Variants in GNPTAB observed in about 807,000 individuals in gnomAD.
The protein encoded by GNPTAB is N-acetylglucosamine-1-phosphotransferase subunits alpha/beta.
In GNPTAB, 92 loss-of-function variants were observed where a neutral mutation model predicts 136.6. That is an observed-to-expected ratio of 0.67 (90% CI 0.57 to 0.80). The LOEUF (loss-of-function observed/expected upper bound fraction) is 0.80, where lower values mean the gene tolerates loss of function less well. Ranked by LOEUF, GNPTAB falls within the 30% of genes least tolerant of loss-of-function variation. The probability of loss-of-function intolerance (pLI) is 0.00; values close to 1 mark genes in which losing one functional copy is unlikely to be tolerated. For synonymous variants in GNPTAB, 512 were observed against 535.1 expected (o/e 0.96, Z 0.60); for missense variants, 1,343 against 1,501.8 (o/e 0.89, Z 1.75).
At chr12:101,805,264 T>C (rs1594249694) in intron 1 of GNPTAB, among the ~76,000 whole-genome samples, 1 of 152,364 alleles carries the variant, frequency 6.6e-6, no homozygotes, top group East Asian at 1.9e-4. Flanking sequence ...TTAATGTATT[T>C]ACCTCCACTA....
chr12:101,766,191 GT>G lies in GNPTAB; in HGVS notation c.1511del (p.Tyr504SerfsTer43), dbSNP rs1479370932. 1.2e-6 allele frequency: 2 copies of G among 1,613,972 alleles called. No individual in the cohort carries two copies. The highest frequency in any genetic ancestry group is 2.7e-5 in the African/African-American group (2 of 75,026). On this transcript the variant is annotated frameshift_variant, in exon 12 of 21. Coordinates refer to ENST00000299314, the MANE Select transcript of GNPTAB (RefSeq NM_024312.5). LOFTEE classifies it high-confidence loss of function. Reference protein sequence around the residue: ...QFGGGINSVSYCNQGCANSWL... With the variant: ...QFGGGINSVSXCNQGCANSWL... ...AGGAATTCGCACATCCCTGATTACA[GT>G]AAGAGACACTGTTTATTCCTCCACC...
Position 101,812,978 on chromosome 12 carries a change from T to TTG in GNPTAB, c.118-16218_118-16217dup, listed in dbSNP as rs200420658. On this transcript the variant is annotated intron_variant, in intron 1 of 20. Coordinates refer to ENST00000299314, the MANE Select transcript of GNPTAB (RefSeq NM_024312.5). ...GCCACCATGCCCAGCTAAGTGTTTT[T>TTG]TGTGTGTGTTTTTTTTTTTTTTGGT... 2.0e-3 allele frequency among the ~76,000 whole-genome samples: 272 copies of TTG among 139,136 alleles called. 3 individuals carry two copies. The highest frequency in any genetic ancestry group is 6.0e-3 in the African/African-American group (213 of 35,774). The allele number at this position is 139,136 out of a possible 152,430, so 91.3% of individuals were successfully genotyped here.
intron 18 of GNPTAB, among the ~76,000 whole-genome samples, chr12:101,755,567 G>A (rs1406814892): frequency 6.6e-6 from 1 of 152,298 alleles, no homozygotes; most frequent in African/African-American, 2.4e-5. Context: ...TTAATGGTCT[G>A]TGGCCTGATG....
intron 10 of GNPTAB, among the ~76,000 whole-genome samples, chr12:101,768,538 T>C (rs1953127534): frequency 6.6e-6 from 1 of 152,234 alleles, no homozygotes; most frequent in Non-Finnish European, 1.5e-5. Context: ...GCACAGTCAC[T>C]GCTTTTCTGT....
rs537390944 is a variant in GNPTAB at position 101,814,300 on chromosome 12, G to GA, written c.117+16258dup. On this transcript the variant is annotated intron_variant, in intron 1 of 20. Coordinates refer to ENST00000299314, the MANE Select transcript of GNPTAB (RefSeq NM_024312.5). Reference sequence around the variant, plus strand: ...GGCAACGAGACTAAAACCCTGTCTTGAAAAAAAAAAATTATTGAGAACTCC... The same window carrying GA: ...GGCAACGAGACTAAAACCCTGTCTTGAAAAAAAAAAAATTATTGAGAACTCC... 4.1e-3 allele frequency among the ~76,000 whole-genome samples: 576 copies of GA among 141,038 alleles called. 3 individuals carry two copies. The highest frequency in any genetic ancestry group is 5.0e-3 in the South Asian group (22 of 4,398). The allele number at this position is 141,038 out of a possible 152,430, so 92.5% of individuals were successfully genotyped here.
At chr12:101,764,153 T>A (rs745666681) in intron 13 of GNPTAB, 49 bp downstream of exon 13, 2 of 1,612,436 alleles carry the variant, frequency 1.2e-6, no homozygotes, top group Non-Finnish European at 8.5e-7. Context: ...ATCATGAGAT[T>A]ATTTACTCTT....
chr12:101,792,698 C>T (rs2137153923), intron 2 of GNPTAB, among the ~76,000 whole-genome samples: 1 of 152,266 alleles, frequency 6.6e-6, no homozygotes, highest in African/African-American at 2.4e-5. Flanking sequence ...TTCCACACTA[C>T]TTTGAACTGT....
intron 1 of GNPTAB, among the ~76,000 whole-genome samples, chr12:101,806,175 A>G (rs987763880): frequency 6.6e-6 from 1 of 152,212 alleles, no homozygotes; most frequent in Non-Finnish European, 1.5e-5. Flanking sequence ...AAAACATTAT[A>G]TAAAAAAAGC....
intron 19 of GNPTAB, 41 bp downstream of exon 19, chr12:101,753,331 A>G (rs1197744642): frequency 3.9e-5 from 55 of 1,419,560 alleles, no homozygotes; most frequent in Non-Finnish European, 5.4e-5. Context: ...GCATGTATAC[A>G]CTCACCCACA....
In GNPTAB at chr12:101,760,177, G is replaced by A. The variant is rs757130342; in HGVS notation, c.3136-34C>T. 27 of 1,247,728 alleles carry A rather than the reference G, an allele frequency of 2.2e-5. 1 individual carries two copies. Among genetic ancestry groups the A allele is most frequent in the East Asian group, 1.2e-4 (5 of 43,158 alleles). The allele number at this position is 1,247,728 out of a possible 1,614,324, so 77.3% of individuals were successfully genotyped here. On this transcript the variant is annotated intron_variant, in intron 15 of 20. Coordinates refer to ENST00000299314, the MANE Select transcript of GNPTAB (RefSeq NM_024312.5). ...GAAAAAGATGATAAATCTGTTATGC[G>A]CATTGTAAGTAATGACTGTGGTTTT...
chr12:101,818,805 C>T (rs1435785082), intron 1 of GNPTAB, among the ~76,000 whole-genome samples: 2 of 152,116 alleles, frequency 1.3e-5, no homozygotes, highest in East Asian at 3.9e-4. Context: ...TGGGAGGTAA[C>T]CGAATCATGG....
intron 1 of GNPTAB, among the ~76,000 whole-genome samples, chr12:101,827,575 G>C (rs1047857836): frequency 2.6e-5 from 4 of 151,992 alleles, no homozygotes; most frequent in African/African-American, 9.7e-5. Context: ...TCTACTTCTC[G>C]AAGTTTGGAT....
At chr12:101,759,665 A>G (rs1029882049) in intron 16 of GNPTAB, among the ~76,000 whole-genome samples, 1 of 152,188 alleles carries the variant, frequency 6.6e-6, no homozygotes, top group East Asian at 1.9e-4. Flanking sequence ...CCAGCATTAA[A>G]GCAATTCAGC....
intron 5 of GNPTAB, among the ~76,000 whole-genome samples, chr12:101,784,424 T>C (rs1868513644): frequency 2.6e-5 from 4 of 152,080 alleles, no homozygotes; most frequent in Admixed American, 2.6e-4. Context: ...TCAAGGCAAT[T>C]AGAGCTGAAT....
At chr12:101,774,696 A>G (rs532175765) in intron 7 of GNPTAB, among the ~76,000 whole-genome samples, 1 of 152,338 alleles carries the variant, frequency 6.6e-6, no homozygotes, top group South Asian at 2.1e-4. Context: ...TAAAATACAT[A>G]GAGCCACTTT....
At chr12:101,798,630 T>C (rs1869436678) in intron 1 of GNPTAB, among the ~76,000 whole-genome samples, 1 of 152,206 alleles carries the variant, frequency 6.6e-6, no homozygotes, top group Non-Finnish European at 1.5e-5. Context: ...AACATAAAAA[T>C]GCAGCAATAA....
intron 1 of GNPTAB, among the ~76,000 whole-genome samples, chr12:101,805,543 C>T (rs983625113): frequency 6.6e-6 from 1 of 152,142 alleles, no homozygotes; most frequent in Non-Finnish European, 1.5e-5. Context: ...TACAGGTGCA[C>T]ATCACTACGT....
At chr12:101,790,740 TA>T (rs59673928) in intron 2 of GNPTAB, among the ~76,000 whole-genome samples, 84,234 of 137,622 alleles carry the variant, frequency 0.61, 26,022 homozygotes, top group East Asian at 0.9. Flanking sequence ...GCCTTGTCTC[TA>T]AAAAAAAAAA....
chr12:101,808,999 T>C (rs1870086426), intron 1 of GNPTAB, among the ~76,000 whole-genome samples: 1 of 152,248 alleles, frequency 6.6e-6, no homozygotes, highest in African/African-American at 2.4e-5. Flanking sequence ...AATAAAAAGA[T>C]AACTATTGAC....
Sources: allele counts gnomAD v4.1 joint callset (sites outside exome capture counted in the v4.1 genomes callset), GRCh38; gene constraint gnomAD v4.1.1; transcripts MANE v1.5; gene names NCBI Gene and HGNC (gene_info 2026-07-23, HGNC 2026-07-21).